CDH12: variants seen among roughly 807,000 people sequenced by gnomAD.
CDH12 encodes cadherin-12.
CDH12 carries 41 observed loss-of-function variants against 74.1 expected under a neutral mutation model. The observed-to-expected ratio is 0.55, with a 90% CI of 0.43 to 0.72. The LOEUF (loss-of-function observed/expected upper bound fraction) is 0.72, where lower values mean the gene tolerates loss of function less well. Among genes scored for constraint, CDH12 ranks in the 30% least tolerant of loss-of-function variants. The probability of loss-of-function intolerance (pLI) is 0.00; values close to 1 mark genes in which losing one functional copy is unlikely to be tolerated. For synonymous variants in CDH12, 399 were observed against 355.0 expected, an observed-to-expected ratio of 1.12 and a Z score of -1.39; for missense variants, 945 against 977.2, an observed-to-expected ratio of 0.97 and a Z score of 0.44.
chr5:22,538,260 A>G (rs1281343719), intron 1 of CDH12, among the ~76,000 whole-genome samples: 4 of 152,116 alleles, frequency 2.6e-5, no homozygotes, highest in South Asian at 2.1e-4. Flanking sequence ...TTTTCAGCCA[A>G]TCTACTCCCT....
chr5:22,545,134 T>C (rs1159168207), intron 1 of CDH12, among the ~76,000 whole-genome samples: 3 of 152,190 alleles, frequency 2.0e-5, no homozygotes, highest in Admixed American at 2.0e-4. Flanking sequence ...AGAAGGACAG[T>C]TTCCTAAACC....
intron 4 of CDH12, among the ~76,000 whole-genome samples, chr5:22,123,951 T>G (rs191433280): frequency 8.2e-4 from 124 of 151,546 alleles, no homozygotes; most frequent in Middle Eastern, 6.8e-3. Flanking sequence ...TTTTGTAATT[T>G]TTTTATTTTT....
intron 1 of CDH12, among the ~76,000 whole-genome samples, chr5:22,587,776 C>T (rs1740480261): frequency 6.6e-6 from 1 of 151,764 alleles, no homozygotes; most frequent in African/African-American, 2.4e-5. Flanking sequence ...TAGAATGGCA[C>T]ATTACTTTTC....
At chr5:21,835,953 G>A (rs1749507694) in intron 8 of CDH12, among the ~76,000 whole-genome samples, 1 of 151,464 alleles carries the variant, frequency 6.6e-6, no homozygotes, top group Non-Finnish European at 1.5e-5. Flanking sequence ...AAATCTACAG[G>A]AGAAGAAAAA....
At chr5:22,151,842 C>T (rs887870828) in intron 4 of CDH12, 3 of 152,064 alleles carry the variant, frequency 2.0e-5, no homozygotes, top group Admixed American at 6.6e-5. Flanking sequence ...TAAAATAAAA[C>T]GTTTCTGGTT....
chr5:22,541,778 T>C lies in CDH12; in HGVS notation c.-522-36414A>G, dbSNP rs192705115. ...CCTTAGAGATGTAACCTTGGCCTCT[T>C]AAATGACAATGAGTAAAACTAGGAC... On this transcript the variant is annotated intron_variant, in intron 1 of 14. Transcript: ENST00000382254. 3.0e-4 allele frequency among the ~76,000 whole-genome samples: 45 copies of C among 152,278 alleles called. No individual in the cohort carries two copies. In the East Asian group the frequency reaches 3.1e-3, roughly 10 times the overall value.
At chr5:22,115,198 T>G (rs1411091743) in intron 4 of CDH12, among the ~76,000 whole-genome samples, 5 of 152,226 alleles carry the variant, frequency 3.3e-5, no homozygotes. Flanking sequence ...CTCCCAGGAC[T>G]GCCTTTTATA....
chr5:21,790,429 A>G (rs528069427), intron 10 of CDH12, among the ~76,000 whole-genome samples: 3 of 152,212 alleles, frequency 2.0e-5, no homozygotes, highest in Non-Finnish European at 2.9e-5. Context: ...CTAATGCTGA[A>G]GTAGAATTTG....
At chr5:22,459,844 T>C (rs1472098875) in intron 2 of CDH12, among the ~76,000 whole-genome samples, 4 of 152,058 alleles carry the variant, frequency 2.6e-5, no homozygotes, top group African/African-American at 9.7e-5. Flanking sequence ...CACACACCTG[T>C]AGTCCCAGCT....
chr5:22,268,325 T>C (rs911836658), intron 3 of CDH12, among the ~76,000 whole-genome samples: 16 of 152,222 alleles, frequency 1.1e-4, no homozygotes, highest in Middle Eastern at 3.4e-3. Flanking sequence ...ATATGATACA[T>C]TACATTTTAC....
intron 1 of CDH12, among the ~76,000 whole-genome samples, chr5:22,604,195 T>G (rs1432646240): frequency 6.6e-6 from 1 of 152,198 alleles, no homozygotes; most frequent in East Asian, 1.9e-4. Flanking sequence ...AAAGTTATTG[T>G]TAGGTGGTAA....
chr5:22,788,912 C>T (rs1042823698), intron 1 of CDH12, among the ~76,000 whole-genome samples: 2 of 151,706 alleles, frequency 1.3e-5, no homozygotes, highest in Non-Finnish European at 2.9e-5. Context: ...ATGATGTCTT[C>T]GTATGTGGAT....
intron 3 of CDH12, among the ~76,000 whole-genome samples, chr5:22,389,240 A>C (rs2126411816): frequency 6.6e-6 from 1 of 152,324 alleles, no homozygotes; most frequent in South Asian, 2.1e-4. Context: ...TTGGCACATT[A>C]AAAGCTAATT....
At chr5:22,489,056 C>CTTTTTTTGTTTTTTTTTTTTT (rs1746732769) in intron 2 of CDH12, among the ~76,000 whole-genome samples, 1 of 37,314 alleles carries the variant, frequency 2.7e-5, no homozygotes, top group Non-Finnish European at 4.8e-5. Flanking sequence ...TTGGTACCAC[C>CTTTTTTTGTTTTTTTTTTTTT]TTTTTTTTTT....
At chr5:22,836,237 T>TTTTTTTTTTTG (rs1736821034) in intron 1 of CDH12, among the ~76,000 whole-genome samples, 2 of 132,720 alleles carry the variant, frequency 1.5e-5, no homozygotes, top group African/African-American at 5.6e-5. Context: ...TTTTTTTTTT[T>TTTTTTTTTTTG]TTTTGAGACA....
intron 3 of CDH12, among the ~76,000 whole-genome samples, chr5:22,223,741 A>C (rs908903104): frequency 1.3e-5 from 2 of 151,934 alleles, no homozygotes; most frequent in Non-Finnish European, 2.9e-5. Flanking sequence ...CAGCATCATT[A>C]GTGTAGGAGA....
At chr5:21,795,630 T>C (rs1746737297) in intron 10 of CDH12, among the ~76,000 whole-genome samples, 1 of 151,938 alleles carries the variant, frequency 6.6e-6, no homozygotes, top group Admixed American at 6.6e-5. Flanking sequence ...TTTATACCAA[T>C]ACTTCATTTA....
Position 22,155,074 on chromosome 5 carries a change from G to C in CDH12, c.-187+57424C>G, listed in dbSNP as rs902765413. Among the ~76,000 whole-genome samples, 4 of 152,130 alleles carry C rather than the reference G, an allele frequency of 2.6e-5. No individual in the cohort carries two copies. The East Asian group carries it at 7.8e-4, about 29-fold the overall frequency. ...TCAGATTATGCCACAGGCCCCTTCC[G>C]TTTCTGTAATAAAGAACTGCCCTCA... On this transcript the variant is annotated intron_variant, in intron 4 of 14. Transcript: ENST00000382254.
At chr5:22,434,396 C>T (rs1377532035) in intron 2 of CDH12, among the ~76,000 whole-genome samples, 1 of 151,814 alleles carries the variant, frequency 6.6e-6, no homozygotes, top group Non-Finnish European at 1.5e-5. Flanking sequence ...TACAAATTAC[C>T]TCCTCCATTT....
Sources: allele counts gnomAD v4.1 joint callset (sites outside exome capture counted in the v4.1 genomes callset), GRCh38; gene constraint gnomAD v4.1.1; transcripts MANE v1.5; gene names NCBI Gene and HGNC (gene_info 2026-07-23, HGNC 2026-07-21).